The following PRKN variants were observed in gnomAD, a reference collection of about 807,000 sequenced individuals.
PRKN encodes parkin RBR E3 ubiquitin protein ligase.
PRKN carries 56 observed loss-of-function variants against 59.5 expected under a neutral mutation model. That is an observed-to-expected ratio of 0.94 (90% CI 0.76 to 1.18). The LOEUF (loss-of-function observed/expected upper bound fraction) is 1.18, where lower values mean the gene tolerates loss of function less well. Ranked by LOEUF, PRKN falls within the 50% of genes most tolerant of loss-of-function variation. PRKN has a pLI of 0.00. For missense variants in PRKN, 657 were observed against 596.4 expected (o/e 1.10, Z -1.06); for synonymous variants, 250 against 222.1 (o/e 1.13, Z -1.12).
intron 7 of PRKN, among the ~76,000 whole-genome samples, chr6:161,645,243 C>CAA (rs11343414): frequency 2.3e-4 from 31 of 134,012 alleles, no homozygotes; most frequent in African/African-American, 6.3e-4. Flanking sequence ...AATAAATAGC[C>CAA]AAAAAAAAAA....
intron 1 of PRKN, among the ~76,000 whole-genome samples, chr6:162,628,916 TATAAGGA>T (rs2128222219): frequency 6.6e-6 from 1 of 152,244 alleles, no homozygotes; most frequent in Admixed American, 6.5e-5. Flanking sequence ...TCCCTATTTC[TATAAGGA>T]AACTGTACTA....
intron 4 of PRKN, among the ~76,000 whole-genome samples, chr6:162,115,633 A>C (rs988029304): frequency 6.6e-6 from 1 of 152,100 alleles, no homozygotes; most frequent in Non-Finnish European, 1.5e-5. Context: ...GAAGGAAAGC[A>C]AGCGGTGTTT....
In PRKN at chr6:161,498,813, A is replaced by G. The variant is rs1442978818; in HGVS notation, c.1083+50041T>C. On this transcript the variant is annotated intron_variant, in intron 9 of 11. Coordinates refer to ENST00000366898, the MANE Select transcript of PRKN (RefSeq NM_004562.3). The surrounding 1 kb of genome is among the most constrained non-coding windows in gnomAD (Gnocchi z 4.2). ...TTAGTCTGTGCTGACTAATACATCC[A>G]GGATATTCTTTGGGAATTCTAGCGG... 6.6e-6 allele frequency among the ~76,000 whole-genome samples: 1 copy of G among 152,216 alleles called. No homozygotes were observed. Among genetic ancestry groups the G allele is most frequent in the Admixed American group, 6.5e-5 (1 of 15,284 alleles).
At chr6:162,470,181 C>T (rs112266751) in intron 1 of PRKN, among the ~76,000 whole-genome samples, 257 of 152,228 alleles carry the variant, frequency 1.7e-3, no homozygotes, top group African/African-American at 5.6e-3. Flanking sequence ...AGGACTTAAA[C>T]GCTGCATAGA....
intron 4 of PRKN, among the ~76,000 whole-genome samples, chr6:162,119,486 T>C (rs1310350269): frequency 6.6e-6 from 1 of 152,186 alleles, no homozygotes; most frequent in Non-Finnish European, 1.5e-5. Flanking sequence ...TTTGGTGAGC[T>C]GTCAACAGGA....
Position 161,454,280 on chromosome 6 carries a change from G to A in PRKN, c.1084-67403C>T, listed in dbSNP as rs1233880330. ...TGTGTCTTTTGAGCTCACTTTCCAT[G>A]TTATCCTAGGTCCTGTGAAAGAAAG... On this transcript the variant is annotated intron_variant, in intron 9 of 11. Transcript: ENST00000366898. The surrounding 1 kb of genome is among the most constrained non-coding windows in gnomAD (Gnocchi z 4.6). Among the ~76,000 whole-genome samples, 1 of 152,120 alleles carries A rather than the reference G, an allele frequency of 6.6e-6. No individual in the cohort carries two copies. Among genetic ancestry groups the A allele is most frequent in the Non-Finnish European group, 1.5e-5 (1 of 68,018 alleles).
chr6:161,864,187 T>C (rs7743144), intron 6 of PRKN, among the ~76,000 whole-genome samples: 10,832 of 152,194 alleles, frequency 0.071, 1,291 homozygotes, highest in African/African-American at 0.25. Flanking sequence ...TATATTTTAC[T>C]CACGGTAGAA....
intron 2 of PRKN, among the ~76,000 whole-genome samples, chr6:162,318,164 T>C (rs1583369009): frequency 6.6e-6 from 1 of 152,236 alleles, no homozygotes; most frequent in South Asian, 2.1e-4. Context: ...AGTGGAATCA[T>C]ACGATATTTC....
intron 1 of PRKN, among the ~76,000 whole-genome samples, chr6:162,585,055 C>A (rs1010636195): frequency 6.6e-6 from 1 of 150,746 alleles, no homozygotes; most frequent in Non-Finnish European, 1.5e-5. Context: ...TGCCTGCCAC[C>A]GTGCCAAGCT....
chr6:161,430,382 C>G (rs1414941287), intron 9 of PRKN, among the ~76,000 whole-genome samples: 2 of 152,180 alleles, frequency 1.3e-5, no homozygotes, highest in East Asian at 1.9e-4. Flanking sequence ...TTGGAGAGAA[C>G]AGTGAAACCA....
chr6:162,575,674 G>T (rs1298114738), intron 1 of PRKN, among the ~76,000 whole-genome samples: 1 of 152,072 alleles, frequency 6.6e-6, no homozygotes, highest in Non-Finnish European at 1.5e-5. Flanking sequence ...CCACAACTGA[G>T]CCTGTCATCA....
At chr6:162,393,734 A>G (rs1256091885) in intron 2 of PRKN, among the ~76,000 whole-genome samples, 2 of 152,230 alleles carry the variant, frequency 1.3e-5, no homozygotes, top group Non-Finnish European at 2.9e-5. Flanking sequence ...TTTTGGATAT[A>G]CATTACTTCA....
intron 4 of PRKN, among the ~76,000 whole-genome samples, chr6:162,131,483 A>G (rs1205366103): frequency 1.3e-5 from 2 of 152,206 alleles, no homozygotes; most frequent in Non-Finnish European, 2.9e-5. Flanking sequence ...GATTTCCCCT[A>G]GGACTGCTAT....
intron 5 of PRKN, among the ~76,000 whole-genome samples, chr6:162,018,392 CAT>C (rs1458721215): frequency 6.6e-6 from 1 of 152,146 alleles, no homozygotes; most frequent in African/African-American, 2.4e-5. Context: ...AACAAATGCA[CAT>C]GTGCTCATAT....
At chr6:161,859,069 C>T (rs1236940364) in intron 6 of PRKN, among the ~76,000 whole-genome samples, 1 of 151,222 alleles carries the variant, frequency 6.6e-6, no homozygotes, top group East Asian at 2.0e-4. Flanking sequence ...GGGGTTTCAC[C>T]ATGTTGGCCA....
chr6:162,389,427 C>G lies in PRKN; in HGVS notation c.171+53883G>C, dbSNP rs189734746. Among the ~76,000 whole-genome samples, 9 of 152,256 alleles carry G rather than the reference C, an allele frequency of 5.9e-5. No homozygotes were observed. In the East Asian group the frequency reaches 1.7e-3, roughly 29 times the overall value. ...TCAGAGCCTCTGACTGGAAGTGAGG[C>G]ATTTCCAAGTATCAAACAATGATTA... On this transcript the variant is annotated intron_variant, in intron 2 of 11. Transcript: ENST00000366898.
chr6:162,057,650 C>G (rs547471515), intron 4 of PRKN, among the ~76,000 whole-genome samples: 18 of 152,284 alleles, frequency 1.2e-4, no homozygotes, highest in Non-Finnish European at 2.1e-4. Flanking sequence ...CACTTTTTAA[C>G]GTGAGGACCT....
intron 2 of PRKN, among the ~76,000 whole-genome samples, chr6:162,319,977 C>T (rs116065002): frequency 1.4e-3 from 211 of 151,956 alleles, no homozygotes; most frequent in African/African-American, 4.9e-3. Flanking sequence ...CCCACTTACC[C>T]TGCCAAGTCC....
intron 9 of PRKN, among the ~76,000 whole-genome samples, chr6:161,453,379 CGT>C (rs1789828998): frequency 6.6e-6 from 1 of 151,788 alleles, no homozygotes. Context: ...AGATAAACAA[CGT>C]GTGTTTTCTA....
Sources: allele counts gnomAD v4.1 joint callset (sites outside exome capture counted in the v4.1 genomes callset), GRCh38; gene constraint gnomAD v4.1.1; non-coding constraint Gnocchi (gnomAD v3.1); transcripts MANE v1.5; gene names NCBI Gene and HGNC (gene_info 2026-07-23, HGNC 2026-07-21).